The following SPAG9 variants were observed in gnomAD, a reference collection of about 807,000 sequenced individuals.
SPAG9 encodes the protein sperm associated antigen 9, also known as C-Jun-amino-terminal kinase-interacting protein 4.
SPAG9 carries 35 observed loss-of-function variants against 166.5 expected under a neutral mutation model. The observed-to-expected ratio is 0.21, with a 90% CI of 0.16 to 0.28. The LOEUF (loss-of-function observed/expected upper bound fraction) is 0.28. Among genes scored for constraint, SPAG9 ranks in the 10% least tolerant of loss-of-function variants. The pLI, the probability that SPAG9 is intolerant of heterozygous loss-of-function variation, is 1.00. For missense variants in SPAG9, 1,235 were observed against 1,603.3 expected, an observed-to-expected ratio of 0.77 and a Z score of 3.92; for synonymous variants, 534 against 565.5, an observed-to-expected ratio of 0.94 and a Z score of 0.79.
At chr17:51,090,656 C>T (rs1332886544) in intron 1 of SPAG9, among the ~76,000 whole-genome samples, 9 of 152,124 alleles carry the variant, frequency 5.9e-5, no homozygotes, top group Admixed American at 5.9e-4. Context: ...AGGTCTTAAT[C>T]ATGGGTAATT....
At chr17:51,023,520 T>C (rs2046026923) in intron 6 of SPAG9, among the ~76,000 whole-genome samples, 1 of 151,974 alleles carries the variant, frequency 6.6e-6, no homozygotes, top group African/African-American at 2.4e-5. Flanking sequence ...AAAAATTGGT[T>C]AAGAAATAAA....
intron 1 of SPAG9, among the ~76,000 whole-genome samples, 162 bp from the exon 2 acceptor site, chr17:51,079,866 T>A (rs970935875): frequency 6.6e-6 from 1 of 152,146 alleles, no homozygotes; most frequent in Non-Finnish European, 1.5e-5. Context: ...AAATTAAGTT[T>A]AAAAAACTCC....
At chr17:51,089,600 GTA>G (rs1359354680) in intron 1 of SPAG9, among the ~76,000 whole-genome samples, 9 of 67,894 alleles carry the variant, frequency 1.3e-4, no homozygotes, top group Non-Finnish European at 2.5e-4. Context: ...CTTATTATAT[GTA>G]TATATATACA....
At chr17:50,997,358 C>T (rs1417732007) in intron 15 of SPAG9, among the ~76,000 whole-genome samples, 1 of 152,052 alleles carries the variant, frequency 6.6e-6, no homozygotes, top group African/African-American at 2.4e-5. Flanking sequence ...GTTCATTCAA[C>T]AAATATTTAC....
At chr17:50,976,956 C>T in intron 27 of SPAG9, 152 bp downstream of exon 27, 1 of 565,004 alleles carries the variant, frequency 1.8e-6, no homozygotes, top group Non-Finnish European at 3.1e-6. Flanking sequence ...ACTTATTTTC[C>T]TAGAATTTAT....
chr17:51,082,675 T>G (rs2048198469), intron 1 of SPAG9, among the ~76,000 whole-genome samples: 1 of 152,164 alleles, frequency 6.6e-6, no homozygotes, highest in Admixed American at 6.6e-5. Flanking sequence ...ACTGAAACCC[T>G]TATAGAAAAA....
chr17:51,040,264 A>G (rs1166749967), intron 5 of SPAG9, among the ~76,000 whole-genome samples: 1 of 151,438 alleles, frequency 6.6e-6, no homozygotes, highest in Non-Finnish European at 1.5e-5. Context: ...AAAAAAAAAA[A>G]GTGAGAGCGA....
chr17:51,050,253 C>CA (rs1301601528), intron 3 of SPAG9, among the ~76,000 whole-genome samples: 7 of 152,040 alleles, frequency 4.6e-5, no homozygotes, highest in Non-Finnish European at 8.8e-5. Flanking sequence ...AACTGACAAC[C>CA]AAAAATGACT....
chr17:51,022,145 G>T (rs1284200666), intron 6 of SPAG9, among the ~76,000 whole-genome samples: 1 of 149,016 alleles, frequency 6.7e-6, no homozygotes, highest in African/African-American at 2.5e-5. Context: ...AAAAAAAAGC[G>T]GGGAGAGGGG....
intron 3 of SPAG9, among the ~76,000 whole-genome samples, chr17:51,049,026 T>C (rs748043776): frequency 1.3e-5 from 2 of 152,162 alleles, no homozygotes; most frequent in Non-Finnish European, 2.9e-5. Context: ...CTGAAACTAA[T>C]ATAACAAAGT....
chr17:50,996,181 C>A, intron 16 of SPAG9: 1 of 184,774 alleles, frequency 5.4e-6, no homozygotes, highest in Non-Finnish European at 1.1e-5. Context: ...TTCCTGAAGA[C>A]CTGAACTTAA....
chr17:51,094,539 T>C (rs1405215490), intron 1 of SPAG9, among the ~76,000 whole-genome samples: 1 of 152,194 alleles, frequency 6.6e-6, no homozygotes, highest in African/African-American at 2.4e-5. Context: ...GTCTTTCTTA[T>C]ATACAAACTA....
chr17:51,003,339 G>A (rs1382107251), intron 12 of SPAG9, among the ~76,000 whole-genome samples: 3 of 152,094 alleles, frequency 2.0e-5, no homozygotes, highest in African/African-American at 4.8e-5. Flanking sequence ...ATACACTATT[G>A]TAAGTTTCAC....
At chr17:51,070,619 C>T (rs184069661) in intron 2 of SPAG9, among the ~76,000 whole-genome samples, 1 of 152,178 alleles carries the variant, frequency 6.6e-6, no homozygotes, top group Non-Finnish European at 1.5e-5. Flanking sequence ...CCCTGATTCA[C>T]CTCTTCATTC....
intron 1 of SPAG9, among the ~76,000 whole-genome samples, chr17:51,097,578 C>A (rs1199492248): frequency 6.6e-6 from 1 of 151,818 alleles, no homozygotes; most frequent in Non-Finnish European, 1.5e-5. Flanking sequence ...TATATATGTA[C>A]ATATATATAC....
intron 8 of SPAG9, chr17:51,014,741 T>G (rs185354052): frequency 6.2e-6 from 1 of 160,084 alleles, no homozygotes; most frequent in Non-Finnish European, 1.4e-5. Flanking sequence ...CCTAAATGAC[T>G]GTTAACAGGG....
chr17:51,034,296 A>T (rs1598048086), intron 5 of SPAG9, among the ~76,000 whole-genome samples: 1 of 152,226 alleles, frequency 6.6e-6, no homozygotes, highest in Admixed American at 6.5e-5. Context: ...GAAAAACCCA[A>T]ACCAGAAGTA....
intron 6 of SPAG9, among the ~76,000 whole-genome samples, chr17:51,028,066 C>T (rs1423182832): frequency 1.1e-5 from 1 of 88,376 alleles, no homozygotes; most frequent in African/African-American, 3.8e-5. Context: ...GTTTAAAAAG[C>T]AAAAAAAAAA....
At chr17:51,089,040 C>T (rs751191388) in intron 1 of SPAG9, among the ~76,000 whole-genome samples, 1 of 149,846 alleles carries the variant, frequency 6.7e-6, no homozygotes, top group African/African-American at 2.5e-5. Flanking sequence ...TTGCGGTGAG[C>T]GAGATTGCGC....
Sources: allele counts gnomAD v4.1 joint callset (sites outside exome capture counted in the v4.1 genomes callset), GRCh38; gene constraint gnomAD v4.1.1; transcripts MANE v1.5; gene names NCBI Gene and HGNC (gene_info 2026-07-23, HGNC 2026-07-21).